Variants in VWA3B observed in about 807,000 individuals in gnomAD.
VWA3B encodes the protein von Willebrand factor A domain-containing protein 3B.
Under a neutral mutation model 158.3 loss-of-function variants are expected in VWA3B, and 138 were observed. The observed-to-expected ratio is 0.87, with a 90% CI of 0.76 to 1.00. The LOEUF is 1.00. Ranked by LOEUF, VWA3B falls within the 50% of genes least tolerant of loss-of-function variation. The pLI is 0.00. For synonymous variants in VWA3B, 596 were observed against 587.3 expected (o/e 1.01, Z -0.21); for missense variants, 1,555 against 1,565.1 (o/e 0.99, Z 0.11).
intron 8 of VWA3B, among the ~76,000 whole-genome samples, chr2:98,166,175 A>C (rs1679057453): frequency 6.6e-6 from 1 of 152,280 alleles, no homozygotes; most frequent in East Asian, 1.9e-4. Context: ...CATCTCTACC[A>C]AAAATACAAA....
chr2:98,148,059 A>G (rs368719277), intron 7 of VWA3B, among the ~76,000 whole-genome samples: 9 of 152,290 alleles, frequency 5.9e-5, no homozygotes, highest in African/African-American at 2.2e-4. Context: ...TTATGGCTGC[A>G]TAGTATTCCA....
At chr2:98,211,875 T>C (rs1683547932) in intron 12 of VWA3B, 55 bp from the exon 13 acceptor site, 2 of 1,463,382 alleles carry the variant, frequency 1.4e-6, no homozygotes, top group Non-Finnish European at 1.9e-6. Flanking sequence ...AAATACTTGT[T>C]TGTGAATTCT....
intron 5 of VWA3B, among the ~76,000 whole-genome samples, chr2:98,127,372 G>A (rs1675446873): frequency 6.6e-6 from 1 of 152,182 alleles, no homozygotes; most frequent in African/African-American, 2.4e-5. Flanking sequence ...AGGTGACAGA[G>A]CTCCTGGGTG....
intron 12 of VWA3B, chr2:98,206,549 C>T: frequency 2.0e-6 from 1 of 497,742 alleles, no homozygotes; most frequent in Non-Finnish European, 4.0e-6. Flanking sequence ...AATCGAAAGT[C>T]CTGTTGGTCC....
At chr2:98,113,124 T>C (rs2104922490) in intron 2 of VWA3B, among the ~76,000 whole-genome samples, 1 of 152,104 alleles carries the variant, frequency 6.6e-6, no homozygotes, top group East Asian at 1.9e-4. Flanking sequence ...AATTTCAACA[T>C]CTGGTCCATT....
rs1271278357 is a variant in VWA3B at position 98,133,536 on chromosome 2, T to C, written c.873-288T>C. On this transcript the variant is annotated intron_variant, in intron 6 of 27. Transcript: ENST00000477737. ...CAAGAGAAAGAATATAAGCATAGAG[T>C]GTCATTTTCCCAGGACCAAGAAATA... The C allele has an allele frequency of 8.0e-6, 3 of 375,608 alleles. No individual in the cohort carries two copies. The Admixed American group carries it at 1.2e-4, about 15-fold the overall frequency. The allele number at this position is 375,608 out of a possible 1,614,324, so 23.3% of individuals were successfully genotyped here. A position where few individuals can be genotyped will look rare whatever the true frequency, so the allele number is the denominator to read the frequency against.
chr2:98,175,578 A>G (rs1679945158), intron 8 of VWA3B, among the ~76,000 whole-genome samples: 1 of 152,372 alleles, frequency 6.6e-6, no homozygotes, highest in East Asian at 1.9e-4. Context: ...TTAGAGACCA[A>G]TGGCATACCA....
intron 22 of VWA3B, among the ~76,000 whole-genome samples, chr2:98,282,960 T>A (rs916280819): frequency 1.3e-5 from 2 of 152,226 alleles, no homozygotes; most frequent in Non-Finnish European, 2.9e-5. Flanking sequence ...GGCTATTCTC[T>A]ATCAGAAGAA....
At chr2:98,292,603 GA>G (rs952576966) in intron 23 of VWA3B, among the ~76,000 whole-genome samples, 1 of 152,118 alleles carries the variant, frequency 6.6e-6, no homozygotes. Flanking sequence ...CCCTGCTTGA[GA>G]AATTTTGATT....
At chr2:98,283,243 A>G (rs1396846883) in intron 22 of VWA3B, among the ~76,000 whole-genome samples, 2 of 152,224 alleles carry the variant, frequency 1.3e-5, no homozygotes, top group Non-Finnish European at 2.9e-5. Flanking sequence ...TTCTCATACT[A>G]ATGAAATCTA....
chr2:98,116,292 T>A (rs1674528572), intron 3 of VWA3B, among the ~76,000 whole-genome samples: 1 of 152,224 alleles, frequency 6.6e-6, no homozygotes, highest in Non-Finnish European at 1.5e-5. Context: ...TCTATGTACA[T>A]CCATGTACCA....
intron 2 of VWA3B, among the ~76,000 whole-genome samples, chr2:98,094,659 T>G (rs1682587598): frequency 6.6e-6 from 1 of 152,200 alleles, no homozygotes; most frequent in Non-Finnish European, 1.5e-5. Context: ...TTTGCTTTTG[T>G]TGCCTGTGCT....
intron 12 of VWA3B, among the ~76,000 whole-genome samples, chr2:98,201,055 A>G (rs956215576): frequency 3.3e-5 from 5 of 152,212 alleles, no homozygotes; most frequent in Non-Finnish European, 7.4e-5. Flanking sequence ...GAAATCAGCC[A>G]ACCTGAATCC....
chr2:98,255,102 C>CTCCTG (rs1370236779), intron 20 of VWA3B, among the ~76,000 whole-genome samples: 1 of 151,422 alleles, frequency 6.6e-6, no homozygotes, highest in African/African-American at 2.4e-5. Flanking sequence ...CAACCTCCAC[C>CTCCTG]TCCTGGGTTC....
At chr2:98,227,809 T>C (rs1389337285) in intron 14 of VWA3B, among the ~76,000 whole-genome samples, 1 of 152,188 alleles carries the variant, frequency 6.6e-6, no homozygotes, top group Non-Finnish European at 1.5e-5. Flanking sequence ...GTGACGAATA[T>C]GTTCATTATT....
chr2:98,111,412 G>A (rs182371504), intron 2 of VWA3B, among the ~76,000 whole-genome samples: 1 of 152,148 alleles, frequency 6.6e-6, no homozygotes, highest in Non-Finnish European at 1.5e-5. Context: ...CTTTTCCATT[G>A]GGTAGATTAC....
Position 98,270,698 on chromosome 2 carries a change from C to G in VWA3B, c.2860C>G (p.Pro954Ala). ...EEKEKLDANK[P>A]IQYLENKTVL... ...GTTTTTTAGGTTAGATGCAAACAAA[C>G]CAATACAGTACTTGGAAAACAAAAC... The change falls in exon 22 of 28, where the codon CCA becomes GCA. Residue 954 changes from proline to alanine, a missense_variant. Physicochemically the swap from Pro to Ala is conservative, Grantham distance 27. Transcript: ENST00000477737. 1.9e-6 allele frequency: 3 copies of G among 1,613,998 alleles called. No homozygotes were observed. The highest frequency in any genetic ancestry group is 2.5e-6 in the Non-Finnish European group (3 of 1,179,932).
intron 14 of VWA3B, among the ~76,000 whole-genome samples, chr2:98,223,985 C>G (rs992958951): frequency 6.6e-6 from 1 of 152,196 alleles, no homozygotes; most frequent in Non-Finnish European, 1.5e-5. Context: ...GCCTCAGCCT[C>G]TCAAAGTGCT....
At chr2:98,118,800 C>G (rs1375716794) in intron 3 of VWA3B, among the ~76,000 whole-genome samples, 1 of 152,180 alleles carries the variant, frequency 6.6e-6, no homozygotes, top group Admixed American at 6.5e-5. Context: ...GAATAGGGCA[C>G]AATTTTTTCT....
Sources: gnomAD v4.1 joint callset for allele counts (sites outside exome capture counted in the v4.1 genomes callset) on GRCh38, gnomAD v4.1.1 for gene constraint, MANE v1.5 for transcripts, NCBI Gene and HGNC (gene_info 2026-07-23, HGNC 2026-07-21) for gene names.